The following AIMP2 variants were observed in gnomAD, a reference collection of about 807,000 sequenced individuals.
AIMP2 encodes the protein aminoacyl tRNA synthase complex-interacting multifunctional protein 2.
AIMP2 carries 20 observed loss-of-function variants against 23.4 expected under a neutral mutation model. The ratio of observed to expected loss-of-function variants is 0.85; its 90% CI spans 0.60 to 1.24. The LOEUF is 1.24. Among genes scored for constraint, AIMP2 ranks in the 50% most tolerant of loss-of-function variants. AIMP2 has a pLI of 0.00. For missense variants in AIMP2, 515 were observed against 414.5 expected, an observed-to-expected ratio of 1.24 and a Z score of -2.10; for synonymous variants, 210 against 170.4, an observed-to-expected ratio of 1.23 and a Z score of -1.81.
chr7:6,014,165 T>C (rs1240887839), intron 1 of AIMP2, among the ~76,000 whole-genome samples: 1 of 151,746 alleles, frequency 6.6e-6, no homozygotes, highest in East Asian at 1.9e-4. Flanking sequence ...TTTTCTATCC[T>C]TCCCTGTTGT....
chr7:6,018,973 A>ACACACACG, intron 3 of AIMP2, among the ~76,000 whole-genome samples: 1 of 89,082 alleles, frequency 1.1e-5, no homozygotes, highest in South Asian at 3.5e-4. Context: ...AACCTTACAC[A>ACACACACG]CACACACACA....
intron 1 of AIMP2, chr7:6,012,781 A>G: frequency 1.0e-6 from 1 of 974,716 alleles, no homozygotes. Flanking sequence ...CGAACTCCTG[A>G]CCTCAAGTGA....
Position 6,023,298 on chromosome 7 carries a change from T to C in AIMP2, c.575-5T>C. On this transcript the variant is annotated splice_polypyrimidine_tract_variant and splice_region_variant and intron_variant, in intron 3 of 3. Coordinates refer to ENST00000223029, the MANE Select transcript of AIMP2 (RefSeq NM_006303.4). ...GATGCTACCTGGCGTGTTTTTTCTT[T>C]TCAGTGCCGAAGACGCAGATGAAAT... 3 of 1,584,882 alleles carry C rather than the reference T, an allele frequency of 1.9e-6. No homozygotes were observed. Among genetic ancestry groups the C allele is most frequent in the South Asian group, 2.3e-5 (2 of 86,722 alleles).
chr7:6,022,844 G>A (rs1260838388), intron 3 of AIMP2: 2 of 161,212 alleles, frequency 1.2e-5, no homozygotes, highest in Non-Finnish European at 2.7e-5. Context: ...AGGATGTTAT[G>A]TATTGACTAT....
At chr7:6,018,146 C>CTT (rs371698854) in intron 3 of AIMP2, 101 bp downstream of exon 3, 51,681 of 577,382 alleles carry the variant, frequency 0.09, 1,600 homozygotes, top group African/African-American at 0.19. Context: ...TTTTCTTTTT[C>CTT]TTTTTTTTTT....
chr7:6,009,974 A>AAAAATATATATATATATATAT, intron 1 of AIMP2, among the ~76,000 whole-genome samples: 2 of 26,660 alleles, frequency 7.5e-5, no homozygotes, highest in African/African-American at 1.4e-4. Context: ...AAAAAAAAAA[A>AAAAATATATATATATATATAT]ATATATATAT....
chr7:6,020,942 A>C (rs1000990016), intron 3 of AIMP2, among the ~76,000 whole-genome samples: 2 of 152,218 alleles, frequency 1.3e-5, no homozygotes, highest in African/African-American at 4.8e-5. Flanking sequence ...ACGGGAAAAG[A>C]TAAACACAGC....
chr7:6,023,140 G>A, intron 3 of AIMP2, 163 bp from the exon 4 acceptor site: 2 of 800,272 alleles, frequency 2.5e-6, no homozygotes, highest in Non-Finnish European at 3.8e-6. Context: ...CTTTTCAGTA[G>A]TAAGCATCTT....
rs1374795459 is a variant in AIMP2 at position 6,018,138 on chromosome 7, TTC to T, written c.574+95_574+96del. 19 of 1,001,946 alleles carry T rather than the reference TTC, an allele frequency of 1.9e-5. No homozygotes were observed. In the Middle Eastern group the frequency reaches 6.4e-4, roughly 34 times the overall value. 62.1% of individuals were successfully genotyped at this position (1,001,946 alleles called of 1,614,324 possible). ...TGAGTCCATTTACATGTGGATTTTT[TTC>T]TTTTTCTTTTTTTTTTTTTTTTTTG... is the stretch of plus-strand genomic sequence containing the variant. On this transcript the variant is annotated intron_variant, in intron 3 of 3. Coordinates refer to ENST00000223029, the MANE Select transcript of AIMP2 (RefSeq NM_006303.4).
intron 2 of AIMP2, among the ~76,000 whole-genome samples, chr7:6,016,057 C>A (rs972205716): frequency 3.9e-5 from 6 of 152,206 alleles, no homozygotes; most frequent in African/African-American, 1.2e-4. Flanking sequence ...TCTCTGATCA[C>A]AGGCCAACTT....
In AIMP2 at chr7:6,015,321, A is replaced by G. The variant is rs762651435; in HGVS notation, c.311A>G (p.Asn104Ser). The stretch of plus-strand genomic sequence containing the variant: ...GATGAGCCCACGACTTTAACCACCA[A>G]TGCGCTGGACTTGAATTCAGTGCTT... ...QADEPTTLTTNALDLNSVLGK... is the reference protein window; with the variant it reads ...QADEPTTLTTSALDLNSVLGK... Residue 104 changes from asparagine (N) to serine (S), a missense_variant, in exon 2 of 4, where the codon AAT becomes AGT. By Grantham distance (46) the Asn-to-Ser change is conservative. Coordinates refer to ENST00000223029, the MANE Select transcript of AIMP2 (RefSeq NM_006303.4). 11 of 1,614,054 alleles carry G rather than the reference A, an allele frequency of 6.8e-6. No individual in the cohort carries two copies. The highest frequency in any genetic ancestry group is 6.7e-5 in the East Asian group (3 of 44,892).
Position 6,009,636 on chromosome 7 carries a change from A to C in AIMP2, c.135+138A>C, listed in dbSNP as rs1786406228. 1.9e-5 allele frequency: 14 copies of C among 726,276 alleles called. 1 individual carries two copies. The South Asian group carries it at 4.5e-4, about 23-fold the overall frequency. 45.0% of individuals were successfully genotyped at this position (726,276 alleles called of 1,614,324 possible). ...ATCTGTGCCGGCCGGCCAGGGACTC[A>C]CTCAGACTTTTATGTTTTAAAAGAT... On this transcript the variant is annotated intron_variant, in intron 1 of 3. Coordinates refer to ENST00000223029, the MANE Select transcript of AIMP2 (RefSeq NM_006303.4).
In AIMP2 at chr7:6,023,810, G is replaced by A. The variant is rs1787653658; in HGVS notation, c.*119G>A. 6.3e-7 allele frequency: 1 copy of A among 1,575,516 alleles called. No individual in the cohort carries two copies. On this transcript the variant is annotated 3_prime_UTR_variant, in exon 4 of 4. Coordinates refer to ENST00000223029, the MANE Select transcript of AIMP2 (RefSeq NM_006303.4). ...TTTTTATTTAGGCCAGTTGTCAAGT[G>A]TCAATAAAAGCATCATGTAATTTAT...
chr7:6,017,975 C>G lies in AIMP2; in HGVS notation c.504C>G (p.Cys168Trp), dbSNP rs777169814. The G allele has an allele frequency of 1.9e-6, 3 of 1,613,828 alleles. No individual in the cohort carries two copies. The highest frequency in any genetic ancestry group is 1.3e-5 in the African/African-American group (1 of 74,834). The change falls in exon 3 of 4, where the codon TGC becomes TGG. Residue 168 changes from cysteine to tryptophan, a missense_variant. Cys to Trp is a radical substitution (Grantham distance 215). Coordinates refer to ENST00000223029, the MANE Select transcript of AIMP2 (RefSeq NM_006303.4). Reference protein sequence around the residue: ...VKSVPENLLKCFGEQNKKQPR... With the variant: ...VKSVPENLLKWFGEQNKKQPR... ...GCGTGCCTGAAAACCTTCTCAAGTG[C>G]TTTGGAGAACAGAATAAAAAACAGC...
chr7:6,018,562 G>A lies in AIMP2; in HGVS notation c.574+517G>A, dbSNP rs981365777. Among the ~76,000 whole-genome samples the A allele has an allele frequency of 3.3e-5, 5 of 151,986 alleles. No individual in the cohort carries two copies. The East Asian group carries it at 9.7e-4, about 30-fold the overall frequency. On this transcript the variant is annotated intron_variant, in intron 3 of 3. Transcript: ENST00000223029. ...TAGAAATATCAAAACAAGGCCACGCGCAGGGGCTCACGCCTGTAATCCCAG... is the reference window on the plus strand; with the variant it reads ...TAGAAATATCAAAACAAGGCCACGCACAGGGGCTCACGCCTGTAATCCCAG...
intron 3 of AIMP2, 178 bp from the exon 4 acceptor site, chr7:6,023,125 A>T: frequency 1.4e-6 from 1 of 707,094 alleles, no homozygotes; most frequent in Non-Finnish European, 2.2e-6. Context: ...GTTTGCACTT[A>T]AACCCTTTTC....
chr7:6,009,282 T>C lies in AIMP2; in HGVS notation c.-82T>C, dbSNP rs539940178. On this transcript the variant is annotated 5_prime_UTR_variant, in exon 1 of 4. Coordinates refer to ENST00000223029, the MANE Select transcript of AIMP2 (RefSeq NM_006303.4). ...GCCCGCAGCAGGGTCAGAAGGGAGG[T>C]GGCCGGTCTCCGTCGTGACCTCTGA... is the stretch of plus-strand genomic sequence containing the variant. 1.9e-6 allele frequency: 3 copies of C among 1,605,498 alleles called. No homozygotes were observed. In the African/African-American group the frequency reaches 4.0e-5, roughly 21 times the overall value.
At position 6,009,410 on chromosome 7, in the gene AIMP2, T is replaced by G; in HGVS notation, c.47T>G (p.Leu16Arg). 1 of 1,611,556 alleles carries G rather than the reference T, an allele frequency of 6.2e-7. No individual in the cohort carries two copies. Among genetic ancestry groups the G allele is most frequent in the Non-Finnish European group, 8.5e-7 (1 of 1,179,978 alleles). ...VKPYHGGGAP[L>R]RVELPTCMYR... The stretch of plus-strand genomic sequence containing the variant: ...CCCTATCACGGGGGCGGCGCGCCTC[T>G]CCGTGTGGAGCTTCCCACCTGCATG... The change falls in exon 1 of 4, where the codon CTC becomes CGC. Residue 16 changes from leucine to arginine, a missense_variant. Physicochemically the swap from Leu to Arg is moderately radical, Grantham distance 102. Coordinates refer to ENST00000223029, the MANE Select transcript of AIMP2 (RefSeq NM_006303.4).
chr7:6,012,744 A>G, intron 1 of AIMP2: 1 of 767,388 alleles, frequency 1.3e-6, no homozygotes, highest in Non-Finnish European at 1.8e-6. Flanking sequence ...GTTTCAGTAG[A>G]AATGGAGTTT....
Sources: gnomAD v4.1 joint callset for allele counts (sites outside exome capture counted in the v4.1 genomes callset) on GRCh38, gnomAD v4.1.1 for gene constraint, MANE v1.5 for transcripts, NCBI Gene and HGNC (gene_info 2026-07-23, HGNC 2026-07-21) for gene names.